The following RAPGEF2 variants were observed in gnomAD, a reference collection of about 807,000 sequenced individuals.
RAPGEF2 encodes the protein Rap guanine nucleotide exchange factor 2.
Under a neutral mutation model 186.7 loss-of-function variants are expected in RAPGEF2, and 54 were observed. That is an observed-to-expected ratio of 0.29 (90% CI 0.23 to 0.36). The LOEUF (loss-of-function observed/expected upper bound fraction) is 0.36, where lower values mean the gene tolerates loss of function less well. RAPGEF2 is among the 10% of genes least tolerant of loss of function. The pLI is 1.00. For missense variants in RAPGEF2, 1,532 were observed against 2,045.0 expected (o/e 0.75, Z 4.84); for synonymous variants, 712 against 705.9 (o/e 1.01, Z -0.14).
intron 3 of RAPGEF2, among the ~76,000 whole-genome samples, chr4:159,196,166 C>G (rs906643922): frequency 2.0e-5 from 3 of 152,062 alleles, no homozygotes; most frequent in African/African-American, 7.2e-5. Flanking sequence ...TAGCGTTTGG[C>G]CAATCTTGTG....
intron 11 of RAPGEF2, among the ~76,000 whole-genome samples, chr4:159,326,296 A>G (rs1269255780): frequency 2.0e-5 from 3 of 152,196 alleles, no homozygotes; most frequent in African/African-American, 4.8e-5. Flanking sequence ...AGTGAGAACC[A>G]TATTTTTATT....
At chr4:159,128,137 C>T (rs573487508) in intron 1 of RAPGEF2, among the ~76,000 whole-genome samples, 2 of 152,144 alleles carry the variant, frequency 1.3e-5, no homozygotes, top group South Asian at 2.1e-4. Flanking sequence ...TTAAATTGTA[C>T]GTTCTATTTC....
At chr4:159,300,302 T>C (rs1038459530) in intron 7 of RAPGEF2, among the ~76,000 whole-genome samples, 13 of 152,054 alleles carry the variant, frequency 8.5e-5, no homozygotes, top group Middle Eastern at 6.9e-3. Context: ...TATTTAGCAG[T>C]GTTTGTGGTT....
intron 7 of RAPGEF2, among the ~76,000 whole-genome samples, chr4:159,271,093 T>C (rs1423968555): frequency 6.6e-6 from 1 of 152,198 alleles, no homozygotes; most frequent in Non-Finnish European, 1.5e-5. Flanking sequence ...TATAGGCTCA[T>C]TAAGTTAGGG....
intron 19 of RAPGEF2, among the ~76,000 whole-genome samples, chr4:159,341,252 A>G (rs1483542577): frequency 1.3e-5 from 2 of 152,206 alleles, no homozygotes; most frequent in African/African-American, 2.4e-5. Flanking sequence ...AAAAATGTGG[A>G]TATTTTCTGT....
rs1160663199 is a variant in RAPGEF2 at position 159,198,426 on chromosome 4, C to T, written c.197+5170C>T. On this transcript the variant is annotated intron_variant, in intron 3 of 29. Coordinates refer to ENST00000691494, the MANE Select transcript of RAPGEF2 (RefSeq NM_001394067.2). ...TCTTCCTCTCTTCCTCTCTCTCTCTCTCTCTCTTTCTTTCTTTCTTCTTAC... is the reference window on the plus strand; with the variant it reads ...TCTTCCTCTCTTCCTCTCTCTCTCTTTCTCTCTTTCTTTCTTTCTTCTTAC... Among the ~76,000 whole-genome samples, 4 of 130,418 alleles carry T rather than the reference C, an allele frequency of 3.1e-5. 1 individual carries two copies. The highest frequency in any genetic ancestry group is 7.0e-5 in the Non-Finnish European group (4 of 57,358). 85.6% of individuals were successfully genotyped at this position (130,418 alleles called of 152,430 possible). A position where few individuals can be genotyped will look rare whatever the true frequency, so the allele number is the denominator to read the frequency against.
intron 1 of RAPGEF2, among the ~76,000 whole-genome samples, chr4:159,165,227 G>C (rs1029538131): frequency 1.3e-5 from 2 of 152,056 alleles, no homozygotes; most frequent in African/African-American, 4.8e-5. Context: ...TTAATTAAAT[G>C]ATGACTCATT....
intron 4 of RAPGEF2, among the ~76,000 whole-genome samples, chr4:159,211,130 C>A (rs941857606): frequency 1.3e-5 from 2 of 152,226 alleles, no homozygotes; most frequent in Non-Finnish European, 2.9e-5. Flanking sequence ...GTGCTGACTA[C>A]TCACTTATGG....
chr4:159,329,168 G>T, intron 11 of RAPGEF2: 1 of 152,032 alleles, frequency 6.6e-6, no homozygotes, highest in East Asian at 1.9e-4. Context: ...TCTAAGAAAT[G>T]TAATTTCTTA....
In RAPGEF2 at chr4:159,180,747, T is replaced by C. The variant is rs1166728585; in HGVS notation, c.70-5895T>C. Among the ~76,000 whole-genome samples, 7 of 152,196 alleles carry C rather than the reference T, an allele frequency of 4.6e-5. No homozygotes were observed. In the East Asian group the frequency reaches 1.2e-3, roughly 25 times the overall value. On this transcript the variant is annotated intron_variant, in intron 1 of 29. Transcript: ENST00000691494. ...AAGTACCCCCTAAAAATCATGATTA[T>C]ATGGATATGAATGTTTTATTTATGC... is the stretch of plus-strand genomic sequence containing the variant.
At chr4:159,284,585 C>T (rs1760200281) in intron 7 of RAPGEF2, among the ~76,000 whole-genome samples, 1 of 151,612 alleles carries the variant, frequency 6.6e-6, no homozygotes, top group Non-Finnish European at 1.5e-5. Context: ...GTGCCTGACT[C>T]CTCTGGATTT....
chr4:159,233,177 T>C (rs1423727785), intron 4 of RAPGEF2, among the ~76,000 whole-genome samples: 1 of 152,244 alleles, frequency 6.6e-6, no homozygotes, highest in Non-Finnish European at 1.5e-5. Context: ...AGTTTATCTA[T>C]GTTTATTCTC....
intron 1 of RAPGEF2, among the ~76,000 whole-genome samples, chr4:159,173,057 A>T (rs916654922): frequency 6.6e-6 from 1 of 152,126 alleles, no homozygotes; most frequent in Non-Finnish European, 1.5e-5. Flanking sequence ...CTTTAATTAC[A>T]TATGTCGAAT....
At chr4:159,325,594 AGTTT>A (rs1371954022) in intron 11 of RAPGEF2, among the ~76,000 whole-genome samples, 12 of 117,982 alleles carry the variant, frequency 1.0e-4, no homozygotes, top group East Asian at 1.9e-4. Flanking sequence ...AGCAAGTAAA[AGTTT>A]GTTTGTTTTT....
intron 26 of RAPGEF2, among the ~76,000 whole-genome samples, chr4:159,351,680 C>T (rs142303946): frequency 0.017 from 2,561 of 152,196 alleles, 79 homozygotes; most frequent in African/African-American, 0.058. Flanking sequence ...CAGTGGCTTA[C>T]GCCTGTAATC....
At chr4:159,335,775 G>T (rs1255962250) in intron 17 of RAPGEF2, among the ~76,000 whole-genome samples, 1 of 148,706 alleles carries the variant, frequency 6.7e-6, no homozygotes, top group Non-Finnish European at 1.5e-5. Context: ...GGCGGAGCTT[G>T]CAGTGAGCCG....
In RAPGEF2 at chr4:159,350,205, A is replaced by G; in HGVS notation, c.3781A>G (p.Lys1261Glu). The G allele has an allele frequency of 6.3e-7, 1 of 1,595,716 alleles. No homozygotes were observed. Among genetic ancestry groups the G allele is most frequent in the Non-Finnish European group, 8.5e-7 (1 of 1,170,640 alleles). ...LSEEGSLERH[K>E]KQAEDTISNA... Reference sequence around the variant, plus strand: ...TGAAGAAGGAAGTTTGGAACGTCACAAGAAACAGGCTGAAGATACAATATC... The same window carrying G: ...TGAAGAAGGAAGTTTGGAACGTCACGAGAAACAGGCTGAAGATACAATATC... Residue 1261 changes from lysine to glutamate, a missense_variant, in exon 26 of 30, where the codon AAG (lysine) becomes GAG (glutamate). Transcript: ENST00000691494.
At chr4:159,271,527 A>G (rs1208448418) in intron 7 of RAPGEF2, among the ~76,000 whole-genome samples, 2 of 152,194 alleles carry the variant, frequency 1.3e-5, no homozygotes, top group African/African-American at 4.8e-5. Context: ...ACCTTTTTAC[A>G]TATGAGAAAA....
At position 159,275,121 on chromosome 4, in the gene RAPGEF2, GCA is replaced by G. The variant is rs577195380; in HGVS notation, c.544-29218_544-29217del. 3.4e-3 allele frequency among the ~76,000 whole-genome samples: 502 copies of G among 146,162 alleles called. 3 individuals carry two copies. Among genetic ancestry groups the G allele is most frequent in the African/African-American group, 0.012 (485 of 40,204 alleles). The stretch of plus-strand genomic sequence containing the variant: ...TATGATATATGAGAATCTTATAATT[GCA>G]CAGTCTGTGATACATCATATCTTTA... On this transcript the variant is annotated intron_variant, in intron 7 of 29. Transcript: ENST00000691494.
Sources: gnomAD v4.1 joint callset for allele counts (sites outside exome capture counted in the v4.1 genomes callset) on GRCh38, gnomAD v4.1.1 for gene constraint, MANE v1.5 for transcripts, NCBI Gene and HGNC (gene_info 2026-07-23, HGNC 2026-07-21) for gene names.